SLIT3: variants seen among roughly 807,000 people sequenced by gnomAD.
SLIT3 encodes slit guidance ligand 3, also known as slit homolog 3 protein.
Under a neutral mutation model 184.0 loss-of-function variants are expected in SLIT3, and 68 were observed. The observed-to-expected ratio is 0.37, with a 90% CI of 0.30 to 0.45. The LOEUF is 0.45. Ranked by LOEUF, SLIT3 falls within the 20% of genes least tolerant of loss-of-function variation. The pLI, the probability that SLIT3 is intolerant of heterozygous loss-of-function variation, is 1.00. For missense variants in SLIT3, 1,707 were observed against 2,026.0 expected (o/e 0.84, Z 3.02); for synonymous variants, 831 against 828.6 (o/e 1.00, Z -0.05).
At chr5:169,140,525 G>T (rs1464371588) in intron 4 of SLIT3, among the ~76,000 whole-genome samples, 1 of 146,334 alleles carries the variant, frequency 6.8e-6, no homozygotes, top group East Asian at 2.0e-4. Context: ...AGGCGGTCAG[G>T]CACGGTGGCT....
intron 4 of SLIT3, among the ~76,000 whole-genome samples, chr5:169,184,060 T>TTGA (rs1222786865): frequency 6.6e-6 from 1 of 152,230 alleles, no homozygotes; most frequent in Non-Finnish European, 1.5e-5. Context: ...AACTCTACCT[T>TTGA]TGATAAATTG....
At chr5:168,948,360 G>T (rs72826540) in intron 4 of SLIT3, among the ~76,000 whole-genome samples, 42 of 152,286 alleles carry the variant, frequency 2.8e-4, no homozygotes, top group African/African-American at 9.6e-4. Context: ...AAGAGGCTCC[G>T]TTGGAACAGG....
Position 169,204,117 on chromosome 5 carries a change from C to T in SLIT3, c.342-10567G>A, listed in dbSNP as rs146166047. Among the ~76,000 whole-genome samples the T allele has an allele frequency of 2.3e-3, 354 of 151,994 alleles. 3 individuals carry two copies. Among genetic ancestry groups the T allele is most frequent in the African/African-American group, 8.1e-3 (335 of 41,446 alleles). On this transcript the variant is annotated intron_variant, in intron 3 of 35. Coordinates refer to ENST00000519560, the MANE Select transcript of SLIT3 (RefSeq NM_003062.4). ...GAGCCAGAGAGAGGAGGAAACAGCC[C>T]CCAGTGTGGTGGGGGAGAAGCAAGA...
At chr5:169,216,893 C>T (rs1006343840) in intron 3 of SLIT3, among the ~76,000 whole-genome samples, 2 of 152,090 alleles carry the variant, frequency 1.3e-5, no homozygotes, top group African/African-American at 2.4e-5. Context: ...CGGGGAGATG[C>T]GTGGCTCGGA....
chr5:168,923,952 C>T (rs1761723069), intron 4 of SLIT3, among the ~76,000 whole-genome samples: 1 of 152,264 alleles, frequency 6.6e-6, no homozygotes, highest in African/African-American at 2.4e-5. Context: ...TACATGTTGT[C>T]TACGGCTGCT....
intron 4 of SLIT3, among the ~76,000 whole-genome samples, chr5:169,150,049 A>C (rs34575317): frequency 0.21 from 32,339 of 152,194 alleles, 3,542 homozygotes; most frequent in South Asian, 0.32. Context: ...CAACCCTGGA[A>C]GTTAGATGCC....
At chr5:169,231,231 C>A (rs890020018) in intron 3 of SLIT3, among the ~76,000 whole-genome samples, 1 of 152,190 alleles carries the variant, frequency 6.6e-6, no homozygotes, top group East Asian at 1.9e-4. Context: ...AAGTATAACA[C>A]GTACAGAAAA....
chr5:168,676,472 A>G (rs1012555833), intron 32 of SLIT3, among the ~76,000 whole-genome samples: 3 of 152,178 alleles, frequency 2.0e-5, no homozygotes, highest in Admixed American at 1.3e-4. Context: ...AGGTAGAGCT[A>G]TTTCTATTTC....
chr5:168,729,639 A>G (rs536530601), intron 20 of SLIT3, among the ~76,000 whole-genome samples: 4 of 152,276 alleles, frequency 2.6e-5, no homozygotes, highest in East Asian at 3.9e-4. Context: ...GAAATGTTCA[A>G]TGAGGTCTTA....
intron 23 of SLIT3, among the ~76,000 whole-genome samples, chr5:168,718,730 A>ACACACACAC (rs1762838289): frequency 3.7e-5 from 4 of 108,900 alleles, no homozygotes; most frequent in African/African-American, 1.6e-4. Context: ...ACACACACAC[A>ACACACACAC]TTCTCTCTCT....
intron 4 of SLIT3, among the ~76,000 whole-genome samples, chr5:169,044,988 G>A (rs905638602): frequency 2.6e-5 from 4 of 152,106 alleles, no homozygotes; most frequent in Non-Finnish European, 4.4e-5. Flanking sequence ...TGTCCATCAC[G>A]GGATGAGAAG....
At chr5:168,706,545 A>G (rs1213396477) in intron 26 of SLIT3, 1 of 152,100 alleles carries the variant, frequency 6.6e-6, no homozygotes, top group African/African-American at 2.4e-5. Flanking sequence ...AACATTCTCA[A>G]TTCCATACAT....
chr5:168,901,257 G>C (rs950329086), intron 4 of SLIT3, among the ~76,000 whole-genome samples: 6 of 152,054 alleles, frequency 3.9e-5, no homozygotes, highest in African/African-American at 1.4e-4. Context: ...CCAGCTACTC[G>C]GGAGGCTGAG....
At chr5:168,893,551 G>A (rs912996772) in intron 4 of SLIT3, among the ~76,000 whole-genome samples, 16 of 152,116 alleles carry the variant, frequency 1.1e-4, no homozygotes, top group African/African-American at 2.9e-4. Context: ...TATGTAAATC[G>A]ATCCTTTGGC....
intron 4 of SLIT3, among the ~76,000 whole-genome samples, chr5:169,116,936 C>T (rs1295619275): frequency 6.6e-6 from 1 of 152,144 alleles, no homozygotes; most frequent in Admixed American, 6.5e-5. Context: ...GTCCACAGAG[C>T]CTTTCAGATT....
chr5:168,772,515 GCTGCTGC>G (rs905792831), intron 14 of SLIT3: 5 of 481,028 alleles, frequency 1.0e-5, no homozygotes, highest in African/African-American at 1.0e-4. Context: ...TTGGAGACAC[GCTGCTGC>G]CTGGGTCCTG....
intron 34 of SLIT3, among the ~76,000 whole-genome samples, chr5:168,670,253 T>A (rs1355702815): frequency 6.6e-6 from 1 of 152,176 alleles, no homozygotes; most frequent in Non-Finnish European, 1.5e-5. Flanking sequence ...CACACACACC[T>A]CATGCAGCCA....
chr5:168,873,018 A>C (rs1759589827), intron 5 of SLIT3, among the ~76,000 whole-genome samples: 1 of 151,990 alleles, frequency 6.6e-6, no homozygotes, highest in African/African-American at 2.4e-5. Flanking sequence ...GCCTGCTCCT[A>C]CCTTGGGTCT....
At chr5:169,076,943 TACACACACGCACACACACACATAC>T (rs889657672) in intron 4 of SLIT3, among the ~76,000 whole-genome samples, 9 of 151,782 alleles carry the variant, frequency 5.9e-5, no homozygotes, top group Non-Finnish European at 1.2e-4. Context: ...CTCTCTCTCA[TACACACACGCACACACACACATAC>T]ACACACACAC....
Sources: gnomAD v4.1 joint callset for allele counts (sites outside exome capture counted in the v4.1 genomes callset) on GRCh38, gnomAD v4.1.1 for gene constraint, MANE v1.5 for transcripts, NCBI Gene and HGNC (gene_info 2026-07-23, HGNC 2026-07-21) for gene names.